Variants in PDE4B observed in about 807,000 individuals in gnomAD.
The protein encoded by PDE4B is phosphodiesterase 4B.
Under a neutral mutation model 82.2 loss-of-function variants are expected in PDE4B, and 20 were observed. The ratio of observed to expected loss-of-function variants is 0.24; its 90% CI spans 0.17 to 0.35. The LOEUF (loss-of-function observed/expected upper bound fraction) is 0.35, where lower values mean the gene tolerates loss of function less well. Among genes scored for constraint, PDE4B ranks in the 10% least tolerant of loss-of-function variants. The pLI, the probability that PDE4B is intolerant of heterozygous loss-of-function variation, is 1.00. For missense variants in PDE4B, 655 were observed against 907.2 expected, an observed-to-expected ratio of 0.72 and a Z score of 3.57; for synonymous variants, 320 against 318.9, an observed-to-expected ratio of 1.00 and a Z score of -0.04.
At chr1:65,942,993 G>C (rs1648524395) in intron 3 of PDE4B, among the ~76,000 whole-genome samples, 1 of 151,908 alleles carries the variant, frequency 6.6e-6, no homozygotes, top group South Asian at 2.1e-4. Flanking sequence ...TTGCTTGGCT[G>C]TACAGAAGCT....
Position 66,316,896 on chromosome 1 carries a change from G to A in PDE4B, c.635-15612G>A, listed in dbSNP as rs775745591. Among the ~76,000 whole-genome samples the A allele has an allele frequency of 5.9e-5, 9 of 152,168 alleles. 1 individual carries two copies. Among genetic ancestry groups the A allele is most frequent in the Middle Eastern group, 6.3e-3 (2 of 316 alleles). On this transcript the variant is annotated intron_variant, in intron 7 of 16. Transcript: ENST00000341517. The stretch of plus-strand genomic sequence containing the variant: ...CTGGAGCTGAGTTCAGTTAAGTGAC[G>A]TAGTTTACAAACCAGGGGAAATTAG...
chr1:66,320,175 C>T (rs1438703218), intron 7 of PDE4B, among the ~76,000 whole-genome samples: 5 of 152,104 alleles, frequency 3.3e-5, no homozygotes, highest in Non-Finnish European at 7.4e-5. Context: ...CTCATGATCT[C>T]GTTTTCCCTC....
At chr1:66,240,748 A>C (rs138274054) in intron 3 of PDE4B, among the ~76,000 whole-genome samples, 256 of 152,374 alleles carry the variant, frequency 1.7e-3, no homozygotes, top group Non-Finnish European at 3.0e-3. Context: ...ATGAATGCTC[A>C]TCACCATTAA....
At chr1:65,916,745 G>GAC (rs142051408) in intron 2 of PDE4B, among the ~76,000 whole-genome samples, 1 of 151,040 alleles carries the variant, frequency 6.6e-6, no homozygotes, top group Non-Finnish European at 1.5e-5. Context: ...TACACACATA[G>GAC]ACACACACAC....
intron 3 of PDE4B, among the ~76,000 whole-genome samples, chr1:66,107,987 A>G (rs1042409479): frequency 6.6e-6 from 1 of 152,038 alleles, no homozygotes; most frequent in Non-Finnish European, 1.5e-5. Flanking sequence ...TTAAATTGAT[A>G]AAAATTATAC....
At chr1:66,187,828 A>G (rs1321600992) in intron 3 of PDE4B, among the ~76,000 whole-genome samples, 1 of 151,248 alleles carries the variant, frequency 6.6e-6, no homozygotes, top group Non-Finnish European at 1.5e-5. Flanking sequence ...CTGTGTCTCT[A>G]TTTCCTTCAG....
chr1:66,227,065 C>T (rs1651510513), intron 3 of PDE4B, among the ~76,000 whole-genome samples: 2 of 152,288 alleles, frequency 1.3e-5, no homozygotes, highest in East Asian at 1.9e-4. Context: ...GAGCAACAGG[C>T]TAGACAAGAG....
chr1:66,224,217 C>T (rs906454237), intron 3 of PDE4B, among the ~76,000 whole-genome samples: 5 of 152,136 alleles, frequency 3.3e-5, no homozygotes, highest in South Asian at 2.1e-4. Context: ...TGCCACTTCT[C>T]GCTGCTCCCC....
intron 1 of PDE4B, among the ~76,000 whole-genome samples, chr1:65,875,136 C>G (rs889421961): frequency 6.6e-6 from 1 of 152,010 alleles, no homozygotes; most frequent in East Asian, 1.9e-4. Flanking sequence ...AAAAAGTGGG[C>G]GAAGGACATG....
chr1:65,875,093 C>T (rs1368326157), intron 1 of PDE4B, among the ~76,000 whole-genome samples: 2 of 151,750 alleles, frequency 1.3e-5, no homozygotes, highest in African/African-American at 4.8e-5. Context: ...TGAACTCAAA[C>T]AAATGTACAA....
At chr1:65,892,011 T>C (rs923761614) in intron 1 of PDE4B, among the ~76,000 whole-genome samples, 12 of 152,202 alleles carry the variant, frequency 7.9e-5, no homozygotes, top group Non-Finnish European at 1.2e-4. Context: ...TCTCATGTGT[T>C]TTTAATTTAA....
chr1:65,893,006 T>C (rs1474222456), intron 1 of PDE4B, among the ~76,000 whole-genome samples: 1 of 151,976 alleles, frequency 6.6e-6, no homozygotes, highest in African/African-American at 2.4e-5. Flanking sequence ...TAAAATTCAA[T>C]AGAATAATTT....
intron 3 of PDE4B, among the ~76,000 whole-genome samples, chr1:66,195,464 G>A (rs908003171): frequency 3.3e-5 from 5 of 152,122 alleles, no homozygotes; most frequent in Admixed American, 6.6e-5. Context: ...GACTTAAAAA[G>A]CAGTGTTTAT....
At chr1:66,098,336 C>G (rs1213766398) in intron 3 of PDE4B, among the ~76,000 whole-genome samples, 2 of 152,088 alleles carry the variant, frequency 1.3e-5, no homozygotes, top group African/African-American at 4.8e-5. Context: ...GTCTGGGTTC[C>G]CCATCTCTGC....
At chr1:66,324,290 G>A (rs952905046) in intron 7 of PDE4B, among the ~76,000 whole-genome samples, 4 of 151,996 alleles carry the variant, frequency 2.6e-5, no homozygotes, top group African/African-American at 9.7e-5. Context: ...TAATTAAAAT[G>A]TCTCCTTCAT....
intron 3 of PDE4B, among the ~76,000 whole-genome samples, chr1:66,212,132 A>G (rs913562680): frequency 2.6e-5 from 4 of 152,218 alleles, no homozygotes; most frequent in Admixed American, 6.5e-5. Context: ...ATATCACACA[A>G]GGTTCAGCCA....
At chr1:66,085,921 G>T (rs1413715047) in intron 3 of PDE4B, among the ~76,000 whole-genome samples, 1 of 152,010 alleles carries the variant, frequency 6.6e-6, no homozygotes, top group Non-Finnish European at 1.5e-5. Flanking sequence ...TTGTGTTATT[G>T]TTTCATTTGT....
At chr1:66,040,503 T>C (rs141075393) in intron 3 of PDE4B, among the ~76,000 whole-genome samples, 118 of 152,152 alleles carry the variant, frequency 7.8e-4, no homozygotes, top group African/African-American at 2.5e-3. Context: ...TTCTCTTTTA[T>C]AAGCTAGGCA....
intron 3 of PDE4B, among the ~76,000 whole-genome samples, chr1:65,922,845 CAATTTTTA>C (rs1569693346): frequency 6.6e-6 from 1 of 152,102 alleles, no homozygotes; most frequent in East Asian, 1.9e-4. Flanking sequence ...AAACATTTCC[CAATTTTTA>C]AAATCTTTTC....
Sources: gnomAD v4.1 joint callset for allele counts (sites outside exome capture counted in the v4.1 genomes callset) on GRCh38, gnomAD v4.1.1 for gene constraint, MANE v1.5 for transcripts, NCBI Gene and HGNC (gene_info 2026-07-23, HGNC 2026-07-21) for gene names.